The following CACNG3 variants were observed in gnomAD, a reference collection of about 807,000 sequenced individuals.
CACNG3 encodes calcium voltage-gated channel auxiliary subunit gamma 3.
CACNG3 carries 3 observed loss-of-function variants against 28.5 expected under a neutral mutation model. The observed-to-expected ratio is 0.11, with a 90% CI of 0.05 to 0.27. The LOEUF is 0.27. Ranked by LOEUF, CACNG3 falls within the 10% of genes least tolerant of loss-of-function variation. The probability of loss-of-function intolerance (pLI) is 1.00; values close to 1 mark genes in which losing one functional copy is unlikely to be tolerated. For missense variants in CACNG3, 236 were observed against 414.4 expected (o/e 0.57, Z 3.74); for synonymous variants, 174 against 162.2 (o/e 1.07, Z -0.55).
At chr16:24,317,815 C>T (rs1899403986) in intron 1 of CACNG3, among the ~76,000 whole-genome samples, 1 of 152,198 alleles carries the variant, frequency 6.6e-6, no homozygotes, top group Admixed American at 6.5e-5. Context: ...AAGCCAACCT[C>T]CCTCTGACCC....
chr16:24,322,747 A>G (rs1899482051), intron 1 of CACNG3, among the ~76,000 whole-genome samples: 1 of 152,120 alleles, frequency 6.6e-6, no homozygotes, highest in Non-Finnish European at 1.5e-5. Flanking sequence ...GCATATTGAG[A>G]CATATCTATA....
At position 24,256,702 on chromosome 16, in the gene CACNG3, G is replaced by A. The variant is rs1298427625; in HGVS notation, c.-53G>A. 4 of 1,216,882 alleles carry A rather than the reference G, an allele frequency of 3.3e-6. No homozygotes were observed. In the East Asian group the frequency reaches 9.3e-5, roughly 28 times the overall value. The allele number at this position is 1,216,882 out of a possible 1,614,324, so 75.4% of individuals were successfully genotyped here. A position where few individuals can be genotyped will look rare whatever the true frequency, so the allele number is the denominator to read the frequency against. ...CGGCTGCAGAGTGATTTTCCCCTCC[G>A]GCACTGACTCTCCCCCTCCAACCCC... On this transcript the variant is annotated 5_prime_UTR_variant, in exon 1 of 4. Transcript: ENST00000005284. This position sits in a 1 kb window ranked among gnomAD's most constrained non-coding sequence, Gnocchi z 4.6.
At chr16:24,317,610 G>GAA (rs1170455871) in intron 1 of CACNG3, among the ~76,000 whole-genome samples, 1 of 66,590 alleles carries the variant, frequency 1.5e-5, no homozygotes, top group Non-Finnish European at 2.9e-5. Flanking sequence ...AAGAAAGAAA[G>GAA]AAAGAAAGAA....
At chr16:24,293,478 T>A (rs753415272) in intron 1 of CACNG3, among the ~76,000 whole-genome samples, 2 of 152,152 alleles carry the variant, frequency 1.3e-5, no homozygotes, top group Non-Finnish European at 2.9e-5. Context: ...TTGAAGAAGC[T>A]ACTTTGAGCT....
Position 24,361,201 on chromosome 16 carries a change from CAAG to C in CACNG3, c.437-145_437-143del. The C allele has an allele frequency of 1.6e-6, 1 of 631,272 alleles. No individual in the cohort carries two copies. The highest frequency in any genetic ancestry group is 2.8e-6 in the Non-Finnish European group (1 of 363,334). The allele number at this position is 631,272 out of a possible 1,614,324, so 39.1% of individuals were successfully genotyped here. On this transcript the variant is annotated intron_variant, in intron 3 of 3. Transcript: ENST00000005284. This position sits in a 1 kb window ranked among gnomAD's most constrained non-coding sequence, Gnocchi z 6.8. ...TTCATTTCCTAAGTGACAGACCATG[CAAG>C]AAGAACTAGGTGGTTGGATTTCCCA...
At chr16:24,258,477 A>G (rs1898498467) in intron 1 of CACNG3, among the ~76,000 whole-genome samples, 1 of 152,232 alleles carries the variant, frequency 6.6e-6, no homozygotes, top group Non-Finnish European at 1.5e-5. Context: ...CATCTGGGAA[A>G]TGATACGTTT....
intron 1 of CACNG3, among the ~76,000 whole-genome samples, chr16:24,287,158 C>T (rs1246747892): frequency 6.6e-6 from 1 of 152,186 alleles, no homozygotes; most frequent in Non-Finnish European, 1.5e-5. Flanking sequence ...TTAAGAGACA[C>T]TGGTCACCCT....
At chr16:24,309,954 A>G (rs935217235) in intron 1 of CACNG3, among the ~76,000 whole-genome samples, 7 of 152,204 alleles carry the variant, frequency 4.6e-5, no homozygotes, top group Non-Finnish European at 1.0e-4. Flanking sequence ...TAAATAGGAC[A>G]AAAAGCCACT....
At chr16:24,341,596 T>G (rs1193568154) in intron 1 of CACNG3, among the ~76,000 whole-genome samples, 2 of 152,238 alleles carry the variant, frequency 1.3e-5, no homozygotes, top group African/African-American at 2.4e-5. Flanking sequence ...GGCAACTCCA[T>G]GAAGTTACTA....
At chr16:24,312,386 A>G (rs1899276114) in intron 1 of CACNG3, among the ~76,000 whole-genome samples, 1 of 152,170 alleles carries the variant, frequency 6.6e-6, no homozygotes, top group South Asian at 2.1e-4. Flanking sequence ...CCTGGGTTCT[A>G]AACCTAGCTC....
intron 1 of CACNG3, among the ~76,000 whole-genome samples, chr16:24,338,080 C>T (rs553332046): frequency 2.4e-4 from 37 of 151,988 alleles, no homozygotes; most frequent in Non-Finnish European, 5.0e-4. Context: ...CCGCAATAGG[C>T]CTTCTTTTTT....
rs1448024134 is a variant in CACNG3 at position 24,256,805 on chromosome 16, C to T, written c.51C>T (p.Ala17=). The T allele has an allele frequency of 6.2e-7, 1 of 1,614,058 alleles. No individual in the cohort carries two copies. The change falls in exon 1 of 4, where the codon GCC becomes GCT. Residue 17 remains alanine (A), a synonymous_variant. Coordinates refer to ENST00000005284, the MANE Select transcript of CACNG3 (RefSeq NM_006539.4). This position sits in a 1 kb window ranked among gnomAD's most constrained non-coding sequence, Gnocchi z 4.6. ...AGATGTTGATCACCACTGTAGGAGC[C>T]TTTGCCGCTTTTAGTTTAATGACCA... ...GIQMLITTVG[A]FAAFSLMTIA...
chr16:24,336,451 A>AAAGGCGGG (rs1161871603), intron 1 of CACNG3, among the ~76,000 whole-genome samples: 1 of 151,400 alleles, frequency 6.6e-6, no homozygotes, highest in African/African-American at 2.4e-5. Context: ...TTGTTTTTGT[A>AAAGGCGGG]TTTTTAGTAA....
chr16:24,288,002 G>A (rs1372425492), intron 1 of CACNG3, among the ~76,000 whole-genome samples: 1 of 152,044 alleles, frequency 6.6e-6, no homozygotes, highest in Non-Finnish European at 1.5e-5. Context: ...ACCTGAAAAG[G>A]GAAGAAAGAA....
chr16:24,269,774 GAAGAAAGAAAGAAAAAGA>G (rs1201523674), intron 1 of CACNG3, among the ~76,000 whole-genome samples: 6 of 132,308 alleles, frequency 4.5e-5, no homozygotes, highest in Middle Eastern at 3.6e-3. Context: ...AAAAGAGAAA[GAAGAAAGAAAGAAAAAGA>G]AAGAAAGAAA....
At chr16:24,290,410 C>T (rs62029007) in intron 1 of CACNG3, among the ~76,000 whole-genome samples, 29,266 of 152,126 alleles carry the variant, frequency 0.19, 3,480 homozygotes, top group Non-Finnish European at 0.28. Flanking sequence ...AGCCCCTTCA[C>T]GAAGAGAAGC....
chr16:24,263,643 T>G (rs1276486405), intron 1 of CACNG3, among the ~76,000 whole-genome samples: 1 of 152,214 alleles, frequency 6.6e-6, no homozygotes, highest in African/African-American at 2.4e-5. Flanking sequence ...TGTTATTTAC[T>G]GACTATGAGA....
At chr16:24,317,632 CAGAAAGAA>C (rs199703490) in intron 1 of CACNG3, among the ~76,000 whole-genome samples, 5 of 52,828 alleles carry the variant, frequency 9.5e-5, no homozygotes, top group South Asian at 5.8e-4. Context: ...GAAAGACAGA[CAGAAAGAA>C]AGAAAAGAAA....
intron 1 of CACNG3, among the ~76,000 whole-genome samples, chr16:24,315,993 A>T (rs1284401412): frequency 3.3e-5 from 5 of 151,918 alleles, no homozygotes; most frequent in Non-Finnish European, 5.9e-5. Flanking sequence ...TTGAGCATGT[A>T]CTATGTGCCA....
Sources: gnomAD v4.1 joint callset for allele counts (sites outside exome capture counted in the v4.1 genomes callset) on GRCh38, gnomAD v4.1.1 for gene constraint, Gnocchi (gnomAD v3.1) non-coding constraint, MANE v1.5 for transcripts, NCBI Gene and HGNC (gene_info 2026-07-23, HGNC 2026-07-21) for gene names.